Variants in ROCK1 observed in about 807,000 individuals in gnomAD.
ROCK1 encodes the protein Rho associated coiled-coil containing protein kinase 1.
A neutral mutation model predicts 196.8 loss-of-function variants in ROCK1; 36 were observed. That is an observed-to-expected ratio of 0.18 (90% confidence interval 0.14 to 0.24). The LOEUF (loss-of-function observed/expected upper bound fraction) is 0.24, where lower values mean the gene tolerates loss of function less well. ROCK1 is among the 10% of genes least tolerant of loss of function. ROCK1 has a pLI of 1.00. For missense variants in ROCK1, 920 were observed against 1,562.0 expected (o/e 0.59, Z 6.93); for synonymous variants, 443 against 515.9 (o/e 0.86, Z 1.91).
chr18:21,092,477 G>A (rs192013025), intron 1 of ROCK1, among the ~76,000 whole-genome samples: 3 of 151,130 alleles, frequency 2.0e-5, no homozygotes, highest in East Asian at 2.0e-4. Context: ...CCAGCTACTC[G>A]GGAGGCTGAG....
At chr18:21,036,927 T>C (rs563711892) in intron 9 of ROCK1, among the ~76,000 whole-genome samples, 20 of 152,238 alleles carry the variant, frequency 1.3e-4, no homozygotes, top group South Asian at 6.2e-4. Flanking sequence ...TTATTTTTTT[T>C]CCCCCAAATT....
At chr18:21,103,420 TAAAC>T (rs968012246) in intron 1 of ROCK1, among the ~76,000 whole-genome samples, 4 of 152,032 alleles carry the variant, frequency 2.6e-5, no homozygotes, top group African/African-American at 4.8e-5. Flanking sequence ...TGAAGTGTAA[TAAAC>T]AAAGTCTCAT....
At chr18:21,015,370 G>A in intron 13 of ROCK1, 61 bp downstream of exon 13, 2 of 1,110,908 alleles carry the variant, frequency 1.8e-6, no homozygotes, top group Non-Finnish European at 1.3e-6. Flanking sequence ...CTCAGGAAAC[G>A]AAACAATTTG....
At position 21,028,893 on chromosome 18, in the gene ROCK1, G is replaced by A. The variant is rs746181548; in HGVS notation, c.1094C>T (p.Thr365Ile). ...TTCTTCCAAGTCATCAAAATTACTAGTATCAATGTCACTACTTAAATCGGG... is the reference window on the plus strand; with the variant it reads ...TTCTTCCAAGTCATCAAAATTACTAATATCAATGTCACTACTTAAATCGGG... ...VVPDLSSDID[T>I]SNFDDLEEDK... is the part of the protein sequence containing the mutation. Residue 365 changes from threonine (T) to isoleucine (I), a missense_variant, in exon 10 of 33, where the codon ACT (threonine) becomes ATT (isoleucine). This residue lies in a region of ROCK1 where 234 missense variants were observed against 460.7 expected (regional missense o/e 0.51). Transcript: ENST00000399799. 6.2e-7 allele frequency: 1 copy of A among 1,612,026 alleles called. No homozygotes were observed. The highest frequency in any genetic ancestry group is 8.5e-7 in the Non-Finnish European group (1 of 1,179,342).
intron 12 of ROCK1, among the ~76,000 whole-genome samples, chr18:21,016,297 C>A (rs1173584627): frequency 1.3e-5 from 2 of 152,152 alleles, no homozygotes; most frequent in Non-Finnish European, 2.9e-5. Context: ...TTGTCATCCA[C>A]GTTTAAGGAC....
At chr18:21,025,099 A>G (rs1215925790) in intron 10 of ROCK1, among the ~76,000 whole-genome samples, 1 of 152,208 alleles carries the variant, frequency 6.6e-6, no homozygotes, top group Non-Finnish European at 1.5e-5. Context: ...GCAGCAAAGG[A>G]AATGTAAGGA....
chr18:20,963,247 TAAG>T (rs1045896889), intron 27 of ROCK1, among the ~76,000 whole-genome samples: 1 of 152,074 alleles, frequency 6.6e-6, no homozygotes, highest in African/African-American at 2.4e-5. Context: ...TTTACCCAAA[TAAG>T]AGACAATCTA....
At chr18:21,056,062 G>T (rs929660357) in intron 2 of ROCK1, among the ~76,000 whole-genome samples, 8 of 152,062 alleles carry the variant, frequency 5.3e-5, no homozygotes, top group Admixed American at 3.3e-4. Flanking sequence ...TTCAACCTTA[G>T]TAGTTTTCAG....
At chr18:20,957,646 A>C (rs1337187359) in intron 29 of ROCK1, among the ~76,000 whole-genome samples, 30 of 152,010 alleles carry the variant, frequency 2.0e-4, no homozygotes, top group Admixed American at 1.4e-3. Context: ...ACGCCCAGCT[A>C]ATTTTTTGTA....
At chr18:20,958,087 GA>G (rs2035263832) in intron 29 of ROCK1, among the ~76,000 whole-genome samples, 2 of 152,140 alleles carry the variant, frequency 1.3e-5, no homozygotes, top group African/African-American at 4.8e-5. Flanking sequence ...CCTTAATAAA[GA>G]GAGGAAAGAA....
At position 21,111,396 on chromosome 18, in the gene ROCK1, G is replaced by A. The variant is rs571833796; in HGVS notation, c.-486C>T. ...GCTGCGGCCGCCGCTCGGGCCACGG[G>A]CCGGGCCCGCTCCGCTCAGAGGCGC... On this transcript the variant is annotated 5_prime_UTR_variant, in exon 1 of 33. Coordinates refer to ENST00000399799, the MANE Select transcript of ROCK1 (RefSeq NM_005406.3). The surrounding 1 kb of genome is among the most constrained non-coding windows in gnomAD (Gnocchi z 4.2). 3.4e-4 allele frequency: 137 copies of A among 398,188 alleles called. No homozygotes were observed. Among genetic ancestry groups the A allele is most frequent in the African/African-American group, 2.5e-3 (120 of 47,932 alleles). The allele number at this position is 398,188 out of a possible 1,614,324, so 24.7% of individuals were successfully genotyped here.
At chr18:21,012,935 TTTTA>T (rs963058834) in intron 13 of ROCK1, among the ~76,000 whole-genome samples, 24 of 152,346 alleles carry the variant, frequency 1.6e-4, no homozygotes, top group African/African-American at 5.5e-4. Context: ...CTATTGAGAC[TTTTA>T]TTTCAGTTAT....
Position 21,049,185 on chromosome 18 carries a change from G to A in ROCK1, c.321C>T (p.Leu107=), listed in dbSNP as rs1333947932. 3 of 1,611,526 alleles carry A rather than the reference G, an allele frequency of 1.9e-6. No homozygotes were observed. The African/African-American group carries it at 4.0e-5, about 22-fold the overall frequency. ...ATCTCTTTATCATTTCAAATTTGCT[G>A]AGAAGCTTCATAGCATATACCTTCC... ...STRKVYAMKL[L]SKFEMIKRSD... is the part of the protein sequence containing the mutation. The change falls in exon 4 of 33, where the codon CTC becomes CTT. Residue 107 remains leucine (L), a synonymous_variant. Coordinates refer to ENST00000399799, the MANE Select transcript of ROCK1 (RefSeq NM_005406.3).
At chr18:20,975,773 G>T (rs990909249) in intron 22 of ROCK1, among the ~76,000 whole-genome samples, 2 of 152,004 alleles carry the variant, frequency 1.3e-5, no homozygotes, top group African/African-American at 2.4e-5. Context: ...ACCACGCCCG[G>T]CTAATTTTTT....
Position 20,953,758 on chromosome 18 carries a change from T to C in ROCK1, c.3881A>G (p.Asp1294Gly), listed in dbSNP as rs1378152432. 10 of 1,460,524 alleles carry C rather than the reference T, an allele frequency of 6.8e-6. No individual in the cohort carries two copies. Among genetic ancestry groups the C allele is most frequent in the Non-Finnish European group, 9.3e-6 (10 of 1,072,110 alleles). 90.5% of individuals were successfully genotyped at this position (1,460,524 alleles called of 1,614,324 possible). A position where few individuals can be genotyped will look rare whatever the true frequency, so the allele number is the denominator to read the frequency against. ...KVSYDVTSARDMLLLACSQDE... is the reference protein window; with the variant it reads ...KVSYDVTSARGMLLLACSQDE... ...CTGAGAACATGCTAACAGCAGCATA[T>C]CTCTTGCTGATGTTACATCATAACT... Residue 1294 changes from aspartate to glycine, a missense_variant, in exon 32 of 33, where the codon GAT becomes GGT. Around this residue, in one of 6 missense-constraint regions of ROCK1, gnomAD observed 49 missense variants for 180.4 expected, o/e 0.27. Transcript: ENST00000399799.
chr18:21,003,124 T>A (rs2035740128), intron 16 of ROCK1, among the ~76,000 whole-genome samples: 1 of 152,158 alleles, frequency 6.6e-6, no homozygotes, highest in South Asian at 2.1e-4. Context: ...AGATCACATC[T>A]CTAGATCTAA....
At chr18:21,068,636 T>C (rs1316846264) in intron 2 of ROCK1, among the ~76,000 whole-genome samples, 1 of 152,218 alleles carries the variant, frequency 6.6e-6, no homozygotes, top group Non-Finnish European at 1.5e-5. Context: ...CCTTAATTTC[T>C]GTCTACAATG....
At chr18:20,979,428 C>T (rs1401949379) in intron 22 of ROCK1, among the ~76,000 whole-genome samples, 3 of 152,044 alleles carry the variant, frequency 2.0e-5, no homozygotes, top group Admixed American at 6.6e-5. Context: ...TTGAGACCAA[C>T]CTGACCAACA....
At chr18:21,007,757 T>A (rs2035780964) in intron 14 of ROCK1, among the ~76,000 whole-genome samples, 2 of 152,144 alleles carry the variant, frequency 1.3e-5, no homozygotes, top group African/African-American at 4.8e-5. Context: ...CCAATTAAAT[T>A]AGAATCGCTG....
Sources: allele counts gnomAD v4.1 joint callset (sites outside exome capture counted in the v4.1 genomes callset), GRCh38; gene constraint gnomAD v4.1.1; regional missense constraint gnomAD v4.1.1; non-coding constraint Gnocchi (gnomAD v3.1); transcripts MANE v1.5; gene names NCBI Gene and HGNC (gene_info 2026-07-23, HGNC 2026-07-21).